The following ST6GALNAC3 variants were observed in gnomAD, a reference collection of about 807,000 sequenced individuals.
The protein encoded by ST6GALNAC3 is alpha-N-acetylgalactosaminide alpha-2,6-sialyltransferase 3.
Under a neutral mutation model 32.7 loss-of-function variants are expected in ST6GALNAC3, and 25 were observed. That is an observed-to-expected ratio of 0.76 (90% CI 0.56 to 1.07). The LOEUF (loss-of-function observed/expected upper bound fraction) is 1.07, where lower values mean the gene tolerates loss of function less well. ST6GALNAC3 is among the 50% of genes least tolerant of loss of function. The probability of loss-of-function intolerance (pLI) is 0.00; values close to 1 mark genes in which losing one functional copy is unlikely to be tolerated. For synonymous variants in ST6GALNAC3, 129 were observed against 133.1 expected, an observed-to-expected ratio of 0.97 and a Z score of 0.21; for missense variants, 355 against 382.4, an observed-to-expected ratio of 0.93 and a Z score of 0.60.
intron 1 of ST6GALNAC3, among the ~76,000 whole-genome samples, chr1:76,170,316 TG>T (rs1435557120): frequency 6.6e-6 from 1 of 151,962 alleles, no homozygotes; most frequent in African/African-American, 2.4e-5. Flanking sequence ...ATGCAGCTGT[TG>T]GGGGAGCTCC....
At chr1:76,414,726 A>G (rs1376024571) in intron 3 of ST6GALNAC3, among the ~76,000 whole-genome samples, 3 of 152,060 alleles carry the variant, frequency 2.0e-5, no homozygotes, top group Non-Finnish European at 4.4e-5. Context: ...ACCAAAGACT[A>G]TGTTGAAACA....
At chr1:76,337,049 C>T (rs1303782984) in intron 2 of ST6GALNAC3, among the ~76,000 whole-genome samples, 1 of 152,226 alleles carries the variant, frequency 6.6e-6, no homozygotes, top group East Asian at 1.9e-4. Flanking sequence ...ATTTGCCACT[C>T]AGCCCCAATT....
chr1:76,635,533 C>G (rs61771673), downstream of ST6GALNAC3, among the ~76,000 whole-genome samples: 2 of 152,178 alleles, frequency 1.3e-5, no homozygotes, highest in South Asian at 2.1e-4. Context: ...CAGCTTTTGA[C>G]GAAATGAGAT....
At chr1:76,574,545 C>T (rs1646770611) in intron 3 of ST6GALNAC3, among the ~76,000 whole-genome samples, 1 of 151,976 alleles carries the variant, frequency 6.6e-6, no homozygotes, top group Non-Finnish European at 1.5e-5. Context: ...CTGAAGCAGC[C>T]CATTCCACCA....
intron 3 of ST6GALNAC3, among the ~76,000 whole-genome samples, chr1:76,443,712 T>C (rs1557890984): frequency 6.6e-6 from 1 of 152,194 alleles, no homozygotes. Context: ...AAGCACACAA[T>C]ATGAAGCTCT....
rs796194680 is a variant in ST6GALNAC3, at chr1:76,390,124, A to G, written c.214-21884A>G. Among the ~76,000 whole-genome samples, 6 of 152,120 alleles carry G rather than the reference A, an allele frequency of 3.9e-5. 1 individual carries two copies. Among genetic ancestry groups the G allele is most frequent in the African/African-American group, 1.4e-4 (6 of 41,506 alleles). On this transcript the variant is annotated intron_variant, in intron 2 of 4. Coordinates refer to ENST00000328299, the MANE Select transcript of ST6GALNAC3 (RefSeq NM_152996.4). Reference sequence around the variant, plus strand: ...GCTCATTTAGTTATATAAATGATTTATTATTTATGTTTGTTTTATGATAGT... The same window carrying G: ...GCTCATTTAGTTATATAAATGATTTGTTATTTATGTTTGTTTTATGATAGT...
chr1:76,240,003 T>C (rs1258354909), intron 1 of ST6GALNAC3, among the ~76,000 whole-genome samples: 1 of 152,232 alleles, frequency 6.6e-6, no homozygotes, highest in Non-Finnish European at 1.5e-5. Context: ...AAGGTAGCCA[T>C]TGATAAATTA....
intron 1 of ST6GALNAC3, among the ~76,000 whole-genome samples, chr1:76,139,678 A>G (rs1251873762): frequency 1.3e-5 from 2 of 152,196 alleles, no homozygotes; most frequent in Non-Finnish European, 2.9e-5. Flanking sequence ...GCCTAGTGCC[A>G]GGTTTCTGGG....
chr1:76,106,351 G>A (rs1481392675), intron 1 of ST6GALNAC3, among the ~76,000 whole-genome samples: 1 of 152,182 alleles, frequency 6.6e-6, no homozygotes, highest in Non-Finnish European at 1.5e-5. Context: ...GCTGAACCAT[G>A]TTGGTTGGTG....
chr1:76,169,648 CA>C (rs1241190632), intron 1 of ST6GALNAC3, among the ~76,000 whole-genome samples: 21 of 152,068 alleles, frequency 1.4e-4, no homozygotes, highest in East Asian at 5.8e-4. Flanking sequence ...ACATTTTGTT[CA>C]TTCATTTTCA....
chr1:76,230,166 A>C (rs970187620), intron 1 of ST6GALNAC3, among the ~76,000 whole-genome samples: 5 of 152,214 alleles, frequency 3.3e-5, no homozygotes, highest in Non-Finnish European at 7.3e-5. Context: ...TTTCTAATGA[A>C]AATTCAATGA....
At chr1:76,255,089 A>G (rs1657844154) in intron 1 of ST6GALNAC3, among the ~76,000 whole-genome samples, 5 of 151,060 alleles carry the variant, frequency 3.3e-5, no homozygotes, top group Admixed American at 3.3e-4. Flanking sequence ...GGCACCTAGC[A>G]CAAGTGACAC....
intron 3 of ST6GALNAC3, among the ~76,000 whole-genome samples, chr1:76,565,958 AT>A (rs1164800184): frequency 6.6e-6 from 1 of 152,134 alleles, no homozygotes; most frequent in African/African-American, 2.4e-5. Flanking sequence ...GCAGTGTTGT[AT>A]TTTTTGTTAT....
chr1:76,225,289 C>CTA (rs1039530252), intron 1 of ST6GALNAC3, among the ~76,000 whole-genome samples: 2 of 152,134 alleles, frequency 1.3e-5, no homozygotes, highest in African/African-American at 4.8e-5. Flanking sequence ...GTCCCCATTT[C>CTA]TATATATAGA....
intron 3 of ST6GALNAC3, among the ~76,000 whole-genome samples, chr1:76,525,336 T>G (rs1315148331): frequency 1.3e-5 from 2 of 152,088 alleles, no homozygotes; most frequent in East Asian, 1.9e-4. Context: ...ACTGTCAACT[T>G]GAAGAACTTC....
chr1:76,421,115 A>G (rs542106391), intron 3 of ST6GALNAC3, among the ~76,000 whole-genome samples: 44 of 152,216 alleles, frequency 2.9e-4, no homozygotes, highest in South Asian at 2.1e-3. Flanking sequence ...AAAAGAAGAA[A>G]TAACACTTAA....
At chr1:76,602,848 CAA>C (rs1647297439) in intron 3 of ST6GALNAC3, among the ~76,000 whole-genome samples, 2 of 151,260 alleles carry the variant, frequency 1.3e-5, no homozygotes, top group South Asian at 4.2e-4. Context: ...CACATACAAA[CAA>C]GAGTAGCATA....
chr1:76,500,852 T>C lies in ST6GALNAC3; in HGVS notation c.623+88435T>C, dbSNP rs536822841. ...TGTATATAGATGTACACTCAAGTATTCAAGATATATTCTGAAGTAAAAGGA... is the reference window on the plus strand; with the variant it reads ...TGTATATAGATGTACACTCAAGTATCCAAGATATATTCTGAAGTAAAAGGA... On this transcript the variant is annotated intron_variant, in intron 3 of 4. Coordinates refer to ENST00000328299, the MANE Select transcript of ST6GALNAC3 (RefSeq NM_152996.4). Among the ~76,000 whole-genome samples, 17 of 152,290 alleles carry C rather than the reference T, an allele frequency of 1.1e-4. No homozygotes were observed. The South Asian group carries it at 3.3e-3, about 30-fold the overall frequency.
chr1:76,259,070 C>T (rs768814407), intron 1 of ST6GALNAC3, among the ~76,000 whole-genome samples: 2 of 152,080 alleles, frequency 1.3e-5, no homozygotes, highest in East Asian at 1.9e-4. Flanking sequence ...AACAAAACCT[C>T]GCTCACGAAA....
Sources: gnomAD v4.1 joint callset for allele counts (sites outside exome capture counted in the v4.1 genomes callset) on GRCh38, gnomAD v4.1.1 for gene constraint, MANE v1.5 for transcripts, NCBI Gene and HGNC (gene_info 2026-07-23, HGNC 2026-07-21) for gene names.